The following DENND4C variants were observed in gnomAD, a reference collection of about 807,000 sequenced individuals.
The protein encoded by DENND4C is DENN domain-containing protein 4C.
Under a neutral mutation model 203.0 loss-of-function variants are expected in DENND4C, and 108 were observed. The observed-to-expected ratio is 0.53, with a 90% CI of 0.46 to 0.62. The LOEUF (loss-of-function observed/expected upper bound fraction) is 0.62. DENND4C is among the 20% of genes least tolerant of loss of function. The probability of loss-of-function intolerance (pLI) is 0.00; values close to 1 mark genes in which losing one functional copy is unlikely to be tolerated. For synonymous variants in DENND4C, 871 were observed against 792.4 expected (o/e 1.10, Z -1.67); for missense variants, 2,481 against 2,301.2 (o/e 1.08, Z -1.60).
At chr9:19,367,383 G>A (rs910567253) in intron 30 of DENND4C, among the ~76,000 whole-genome samples, 2 of 152,232 alleles carry the variant, frequency 1.3e-5, no homozygotes, top group African/African-American at 4.8e-5. Flanking sequence ...ACTTGCACAT[G>A]AATGTTCATA....
At chr9:19,251,408 G>C (rs536954480) in intron 1 of DENND4C, among the ~76,000 whole-genome samples, 1 of 152,362 alleles carries the variant, frequency 6.6e-6, no homozygotes, top group Admixed American at 6.5e-5. Flanking sequence ...CTCTGGGCCT[G>C]TGATGGGAGA....
At position 19,306,851 on chromosome 9, in the gene DENND4C, ACT is replaced by A. The variant is rs138509687; in HGVS notation, c.1487+1329_1487+1330del. The stretch of plus-strand genomic sequence containing the variant: ...ACAGAGTTGCAGTGGTGCAATCCTG[ACT>A]CTCTGCAGTCTCCGCCTCCTGGGAT... On this transcript the variant is annotated intron_variant, in intron 10 of 32. Transcript: ENST00000434457. Among the ~76,000 whole-genome samples, 812 of 151,542 alleles carry A rather than the reference ACT, an allele frequency of 5.4e-3. 10 individuals are homozygous for A. The highest frequency in any genetic ancestry group is 0.018 in the African/African-American group (726 of 41,358).
intron 10 of DENND4C, among the ~76,000 whole-genome samples, chr9:19,309,506 G>C (rs1465651588): frequency 2.0e-5 from 3 of 151,920 alleles, no homozygotes; most frequent in Non-Finnish European, 4.4e-5. Context: ...CAGGTCAAAT[G>C]TGTGAATTGT....
rs1235875842 is a variant in DENND4C at position 19,290,874 on chromosome 9, A to T, written c.799A>T (p.Lys267Ter). The T allele has an allele frequency of 6.2e-7, 1 of 1,612,654 alleles. No individual in the cohort carries two copies. Among genetic ancestry groups the T allele is most frequent in the Non-Finnish European group, 8.5e-7 (1 of 1,179,380 alleles). ...TFVLTGSSAKKVYGAAIQFYE... is the reference protein window; with the variant it reads ...TFVLTGSSAK ...TGTCTTGACAGGTTCTTCAGCCAAA[A>T]AGGTATGTTTTTGTCTCATTGATTA... Residue 267 changes from lysine (K) to a stop codon, truncating the protein, a stop_gained and splice_region_variant, in exon 5 of 33, where the codon AAG becomes TAG. Coordinates refer to ENST00000434457, the MANE Select transcript of DENND4C (RefSeq NM_001330640.2). LOFTEE classifies it high-confidence loss of function.
At chr9:19,232,688 G>A (rs1820882401) in intron 1 of DENND4C, among the ~76,000 whole-genome samples, 1 of 152,088 alleles carries the variant, frequency 6.6e-6, no homozygotes, top group African/African-American at 2.4e-5. Context: ...TTCTTAAAAC[G>A]CAAATGTTTT....
intron 1 of DENND4C, among the ~76,000 whole-genome samples, chr9:19,265,240 C>A (rs1299214275): frequency 6.6e-6 from 1 of 152,022 alleles, no homozygotes; most frequent in African/African-American, 2.4e-5. Context: ...TGGTCTCGCA[C>A]TCTGGGGCTC....
intron 26 of DENND4C, among the ~76,000 whole-genome samples, chr9:19,353,187 C>T (rs1824563370): frequency 6.6e-6 from 1 of 152,162 alleles, no homozygotes; most frequent in Non-Finnish European, 1.5e-5. Context: ...AAATTCTAGG[C>T]AATAGATATA....
At chr9:19,326,782 A>T (rs1817925618) in intron 15 of DENND4C, among the ~76,000 whole-genome samples, 1 of 152,114 alleles carries the variant, frequency 6.6e-6, no homozygotes, top group African/African-American at 2.4e-5. Flanking sequence ...TATTGCATGT[A>T]TGAGTTCATC....
At position 19,230,943 on chromosome 9, in the gene DENND4C, G is replaced by C. The variant is rs1194835791; in HGVS notation, c.-18+110G>C. 5 of 152,348 alleles carry C rather than the reference G, an allele frequency of 3.3e-5. No individual in the cohort carries two copies. In the East Asian group the frequency reaches 9.6e-4, roughly 29 times the overall value. 9.4% of individuals were successfully genotyped at this position (152,348 alleles called of 1,614,324 possible). Reference sequence around the variant, plus strand: ...GGACAGGTAGAGCCCGGAGGGCTGAGTTCCGAGTGGCTGGCCCGCGGGGGG... The same window carrying C: ...GGACAGGTAGAGCCCGGAGGGCTGACTTCCGAGTGGCTGGCCCGCGGGGGG... On this transcript the variant is annotated intron_variant, in intron 1 of 32. Transcript: ENST00000434457.
intron 16 of DENND4C, 108 bp from the exon 17 acceptor site, chr9:19,331,870 T>G: frequency 9.6e-7 from 1 of 1,038,076 alleles, no homozygotes; most frequent in Non-Finnish European, 1.4e-6. Context: ...AGTGCTTGAT[T>G]TTAGGGGGTC....
intron 1 of DENND4C, among the ~76,000 whole-genome samples, chr9:19,259,498 C>A (rs371392329): frequency 1.4e-5 from 2 of 139,446 alleles, no homozygotes; most frequent in Non-Finnish European, 3.1e-5. Flanking sequence ...ATTTTCTTTT[C>A]TTTTTTCTTT....
intron 9 of DENND4C, among the ~76,000 whole-genome samples, chr9:19,301,272 A>G (rs571977024): frequency 1.1e-4 from 16 of 152,188 alleles, no homozygotes; most frequent in African/African-American, 3.9e-4. Flanking sequence ...CTCCAACCCT[A>G]TCACCCATTA....
At chr9:19,329,393 T>C (rs1056515543) in intron 16 of DENND4C, among the ~76,000 whole-genome samples, 16 of 152,262 alleles carry the variant, frequency 1.1e-4, no homozygotes, top group Admixed American at 2.6e-4. Flanking sequence ...ATATCAGTAA[T>C]AATTTTTATT....
rs1345913595 is a variant in DENND4C, at chr9:19,300,304, G to C, written c.1284G>C (p.Leu428Phe). 2.5e-6 allele frequency: 4 copies of C among 1,598,958 alleles called. No individual in the cohort carries two copies. Among genetic ancestry groups the C allele is most frequent in the Non-Finnish European group, 3.4e-6 (4 of 1,169,704 alleles). The change falls in exon 9 of 33, where the codon TTG becomes TTC. Residue 428 changes from leucine to phenylalanine, a missense_variant. Physicochemically the swap from Leu to Phe is conservative, Grantham distance 22 (BLOSUM62 0). Coordinates refer to ENST00000434457, the MANE Select transcript of DENND4C (RefSeq NM_001330640.2). ...ILLHSLRPAV[L>F]TGVAEAVVAM... ...TGCATTCTCTTAGGCCAGCTGTCTT[G>C]ACTGGGGTAGCTGAAGCTGTTGTAG...
At chr9:19,320,492 C>G (rs1842707324) in intron 12 of DENND4C, among the ~76,000 whole-genome samples, 1 of 152,220 alleles carries the variant, frequency 6.6e-6, no homozygotes, top group African/African-American at 2.4e-5. Context: ...AGCCACTGCG[C>G]TCGGCCCACA....
At chr9:19,231,104 C>T (rs1481028600) in intron 1 of DENND4C, among the ~76,000 whole-genome samples, 3 of 152,212 alleles carry the variant, frequency 2.0e-5, no homozygotes, top group South Asian at 2.1e-4. Context: ...CCCCGCGTCG[C>T]CCGCCGGGCC....
At position 19,369,777 on chromosome 9, in the gene DENND4C, A is replaced by T. The variant is rs191178136; in HGVS notation, c.5525-60A>T. 2.9e-3 allele frequency: 2,736 copies of T among 937,376 alleles called. 3 individuals carry two copies. The highest frequency in any genetic ancestry group is 0.018 in the East Asian group (466 of 25,232). The allele number at this position is 937,376 out of a possible 1,614,324, so 58.1% of individuals were successfully genotyped here. A position where few individuals can be genotyped will look rare whatever the true frequency, so the allele number is the denominator to read the frequency against. On this transcript the variant is annotated intron_variant, in intron 30 of 32. Transcript: ENST00000434457. ...GTGAGATGTTGTCTCAAAAAAAAAA[A>T]AATAATAATAATAATAATAGTAATA...
chr9:19,235,873 C>T (rs896500543), intron 1 of DENND4C, among the ~76,000 whole-genome samples: 2 of 152,076 alleles, frequency 1.3e-5, no homozygotes, highest in African/African-American at 4.8e-5. Flanking sequence ...GCTGGGATTA[C>T]AGGTGTGAGC....
chr9:19,322,997 A>T (rs1843141384), intron 12 of DENND4C, among the ~76,000 whole-genome samples: 1 of 152,136 alleles, frequency 6.6e-6, no homozygotes, highest in African/African-American at 2.4e-5. Context: ...GATGGAGCAT[A>T]GGATCACTGA....
Sources: allele counts gnomAD v4.1 joint callset (sites outside exome capture counted in the v4.1 genomes callset), GRCh38; gene constraint gnomAD v4.1.1; transcripts MANE v1.5; gene names NCBI Gene and HGNC (gene_info 2026-07-23, HGNC 2026-07-21).